TOP1MT: variants seen among roughly 807,000 people sequenced by gnomAD.
TOP1MT encodes the protein DNA topoisomerase I mitochondrial, also known as DNA topoisomerase I, mitochondrial.
Under a neutral mutation model 73.9 loss-of-function variants are expected in TOP1MT, and 80 were observed. That is an observed-to-expected ratio of 1.08 (90% confidence interval 0.90 to 1.30). The LOEUF (loss-of-function observed/expected upper bound fraction) is 1.30. TOP1MT is among the 50% of genes most tolerant of loss of function. TOP1MT has a pLI of 0.00. For missense variants in TOP1MT, 815 were observed against 808.0 expected, an observed-to-expected ratio of 1.01 and a Z score of -0.10; for synonymous variants, 338 against 326.4, an observed-to-expected ratio of 1.04 and a Z score of -0.38.
rs375811072 is a variant in TOP1MT at position 143,316,074 on chromosome 8, G to C, written c.1383C>G (p.Val461=). 5 of 1,614,030 alleles carry C rather than the reference G, an allele frequency of 3.1e-6. No homozygotes were observed. Among genetic ancestry groups the C allele is most frequent in the Non-Finnish European group, 4.2e-6 (5 of 1,180,004 alleles). Residue 461 remains valine, a synonymous_variant, in exon 11 of 14, where the codon GTC becomes GTG. Transcript: ENST00000329245. ...KILSYNRANR[V]VAILCNHQRA... is the part of the protein sequence containing the mutation. ...GCTGATGGTTGCAGAGAATGGCCAC[G>C]ACTCGGTTGGCTCGGTTGTAGGATA...
chr8:143,356,997 G>A (rs1817420797), upstream of TOP1MT, among the ~76,000 whole-genome samples: 1 of 151,418 alleles, frequency 6.6e-6, no homozygotes, highest in Non-Finnish European at 1.5e-5. Flanking sequence ...GGGAGGCTGA[G>A]GCAGGAGAAT....
chr8:143,320,414 G>C (rs982214380), intron 8 of TOP1MT, among the ~76,000 whole-genome samples: 3 of 152,148 alleles, frequency 2.0e-5, no homozygotes, highest in African/African-American at 4.8e-5. Flanking sequence ...ACAGGCGTGA[G>C]CCACCTTGCC....
intron 3 of TOP1MT, among the ~76,000 whole-genome samples, chr8:143,329,139 C>T (rs547562415): frequency 3.7e-4 from 57 of 152,242 alleles, no homozygotes; most frequent in Admixed American, 1.4e-3. Context: ...ACACTGGCAC[C>T]GCCTATGGTC....
intron 12 of TOP1MT, among the ~76,000 whole-genome samples, chr8:143,311,117 A>AT (rs769172231): frequency 0.019 from 2,009 of 106,852 alleles, 37 homozygotes; most frequent in East Asian, 0.041. Context: ...CACGCACATG[A>AT]TTTTTTTTTT....
chr8:143,339,209 T>C (rs1817032405), upstream of TOP1MT, among the ~76,000 whole-genome samples: 2 of 152,212 alleles, frequency 1.3e-5, no homozygotes, highest in Admixed American at 1.3e-4. Context: ...AACAGTGACT[T>C]TGACCTTAAC....
At chr8:143,310,542 A>G (rs1372869273) in intron 12 of TOP1MT, 3 of 236,962 alleles carry the variant, frequency 1.3e-5, no homozygotes, top group Non-Finnish European at 1.6e-5. Flanking sequence ...GGCCCGAGAA[A>G]GCAAACACAA....
chr8:143,342,171 GT>G (rs1304517138), intron 2 of TOP1MT, among the ~76,000 whole-genome samples: 3 of 109,936 alleles, frequency 2.7e-5, no homozygotes, highest in African/African-American at 5.1e-5. Context: ...GTCTCGCTCT[GT>G]TATTATTAGA....
chr8:143,348,681 G>C (rs372481392), upstream of TOP1MT, among the ~76,000 whole-genome samples: 28 of 152,346 alleles, frequency 1.8e-4, no homozygotes, highest in South Asian at 5.4e-3. The surrounding 1 kb of genome is among the most constrained non-coding windows in gnomAD (Gnocchi z 4.6). Context: ...CCTCCAGGTG[G>C]TGACAGGGAG....
chr8:143,310,042 G>T (rs748487772), intron 13 of TOP1MT, 26 bp downstream of exon 13: 2 of 1,608,066 alleles, frequency 1.2e-6, no homozygotes, highest in Non-Finnish European at 1.7e-6. Flanking sequence ...GCCACAGGTG[G>T]GAACTGAGAC....
intron 7 of TOP1MT, among the ~76,000 whole-genome samples, chr8:143,323,279 G>A (rs1404269316): frequency 1.6e-4 from 9 of 56,806 alleles, no homozygotes; most frequent in African/African-American, 3.2e-4. Flanking sequence ...CGCCACACAC[G>A]CACGCCACAC....
rs1586781777 is a variant in TOP1MT at position 143,343,225 on chromosome 8, CT to C, written c.23del (p.Lys8ArgfsTer13). ...TTCCTATTTAAGATGCCGACTTGGC[CT>C]TTTTTCTTGGGTGGCTTTTCATGGT... On this transcript the variant is annotated frameshift_variant, in exon 2 of 6. Coordinates refer to the TOP1MT transcript ENST00000518007. LOFTEE classifies it high-confidence loss of function. 2.2e-6 allele frequency: 1 copy of C among 456,212 alleles called. No homozygotes were observed. The highest frequency in any genetic ancestry group is 6.9e-5 in the East Asian group (1 of 14,392). The allele number at this position is 456,212 out of a possible 1,614,324, so 28.3% of individuals were successfully genotyped here.
chr8:143,331,522 C>G (rs548353189), intron 1 of TOP1MT, among the ~76,000 whole-genome samples, 183 bp from the exon 2 acceptor site: 1 of 152,164 alleles, frequency 6.6e-6, no homozygotes, highest in Non-Finnish European at 1.5e-5. Flanking sequence ...ACCCCATGCC[C>G]GTGTACCCGC....
In TOP1MT at chr8:143,326,488, T is replaced by C. The variant is rs531214537; in HGVS notation, c.361-144A>G. 3.4e-5 allele frequency: 36 copies of C among 1,065,016 alleles called. No homozygotes were observed. In the South Asian group the frequency reaches 5.1e-4, roughly 15 times the overall value. The allele number at this position is 1,065,016 out of a possible 1,614,324, so 66.0% of individuals were successfully genotyped here. On this transcript the variant is annotated intron_variant, in intron 3 of 13. Transcript: ENST00000329245. ...AATAGGCAGAACCTGCGCACGGTCC[T>C]GCGGCCCCGTAAATAGAGCCTCTCC... is the stretch of plus-strand genomic sequence containing the variant.
chr8:143,324,463 C>A, intron 6 of TOP1MT, 22 bp downstream of exon 6: 2 of 1,613,654 alleles, frequency 1.2e-6, no homozygotes, highest in Non-Finnish European at 1.7e-6. Context: ...GGAGGAAACA[C>A]CCTGCCAAGC....
intron 1 of TOP1MT, chr8:143,334,428 C>T (rs1816935996): frequency 2.8e-6 from 1 of 352,572 alleles, no homozygotes; most frequent in Non-Finnish European, 5.2e-6. Flanking sequence ...CCTAACCAAA[C>T]CCTACAGTGT....
chr8:143,314,538 G>T (rs1325294673), intron 12 of TOP1MT, among the ~76,000 whole-genome samples: 1 of 148,592 alleles, frequency 6.7e-6, no homozygotes, highest in African/African-American at 2.5e-5. Context: ...AGGTTGCAGT[G>T]AGCTGAGACC....
chr8:143,325,205 G>A (rs1266884674), intron 5 of TOP1MT, 141 bp downstream of exon 5: 9 of 808,180 alleles, frequency 1.1e-5, no homozygotes, highest in Non-Finnish European at 1.7e-5. Flanking sequence ...ACGCCTACAG[G>A]CTGAGCTCCA....
upstream of TOP1MT, among the ~76,000 whole-genome samples, chr8:143,345,815 T>G (rs1817210740): frequency 1.3e-5 from 2 of 152,134 alleles, no homozygotes; most frequent in African/African-American, 4.8e-5. Context: ...CACAAAGCAT[T>G]TACTATTGCA....
chr8:143,316,151 C>T (rs769064312), intron 10 of TOP1MT, 25 bp from the exon 11 acceptor site: 5 of 1,613,700 alleles, frequency 3.1e-6, no homozygotes, highest in Non-Finnish European at 4.2e-6. Flanking sequence ...CTGTCAGAGG[C>T]AGCACCCACG....
Sources: allele counts gnomAD v4.1 joint callset (sites outside exome capture counted in the v4.1 genomes callset), GRCh38; gene constraint gnomAD v4.1.1; non-coding constraint Gnocchi (gnomAD v3.1); transcripts MANE v1.5; gene names NCBI Gene and HGNC (gene_info 2026-07-23, HGNC 2026-07-21).